Variants in GRIK2 observed in about 807,000 individuals in gnomAD.
GRIK2 encodes glutamate ionotropic receptor kainate type subunit 2, also known as glutamate receptor ionotropic, kainate 2.
Under a neutral mutation model 100.3 loss-of-function variants are expected in GRIK2, and 32 were observed. The ratio of observed to expected loss-of-function variants is 0.32; its 90% CI spans 0.24 to 0.43. The LOEUF is 0.43. Among genes scored for constraint, GRIK2 ranks in the 20% least tolerant of loss-of-function variants. GRIK2 has a pLI of 1.00. For missense variants in GRIK2, 843 were observed against 1,114.9 expected (o/e 0.76, Z 3.47); for synonymous variants, 417 against 389.4 (o/e 1.07, Z -0.83).
At chr6:101,400,021 A>G (rs576863263) in intron 2 of GRIK2, among the ~76,000 whole-genome samples, 1 of 152,332 alleles carries the variant, frequency 6.6e-6, no homozygotes, top group African/African-American at 2.4e-5. Flanking sequence ...GCTGCTACTT[A>G]GCTGGAACGA....
intron 7 of GRIK2, among the ~76,000 whole-genome samples, chr6:101,745,693 GTTCTT>G (rs1482361368): frequency 3.9e-5 from 6 of 151,994 alleles, no homozygotes; most frequent in African/African-American, 1.4e-4. Flanking sequence ...TGTTGTCAGT[GTTCTT>G]TTAACACCTT....
At chr6:101,764,324 G>C (rs1355179160) in intron 7 of GRIK2, among the ~76,000 whole-genome samples, 2 of 151,988 alleles carry the variant, frequency 1.3e-5, no homozygotes, top group Non-Finnish European at 2.9e-5. Context: ...ATCATCTTCC[G>C]TGACATCTTC....
chr6:101,696,996 A>T (rs2128349953), intron 7 of GRIK2, among the ~76,000 whole-genome samples: 1 of 152,108 alleles, frequency 6.6e-6, no homozygotes, highest in East Asian at 1.9e-4. Context: ...AAACTCATAC[A>T]TAGAGGTCAC....
At chr6:101,873,127 G>C (rs1032448944) in intron 11 of GRIK2, among the ~76,000 whole-genome samples, 10 of 151,910 alleles carry the variant, frequency 6.6e-5, no homozygotes, top group East Asian at 1.9e-4. Flanking sequence ...TTAAGTTCTA[G>C]GGTACATGTG....
chr6:101,576,086 T>C (rs1435626932), intron 2 of GRIK2, among the ~76,000 whole-genome samples: 1 of 152,070 alleles, frequency 6.6e-6, no homozygotes, highest in Non-Finnish European at 1.5e-5. Context: ...TGATATATGA[T>C]ATTATGATAG....
At chr6:102,061,671 TA>T (rs1174776859) in intron 16 of GRIK2, among the ~76,000 whole-genome samples, 1 of 150,468 alleles carries the variant, frequency 6.6e-6, no homozygotes, top group Non-Finnish European at 1.5e-5. Flanking sequence ...TTCTTCTTTT[TA>T]AATAAATAAA....
At chr6:101,556,470 G>T (rs182938132) in intron 2 of GRIK2, among the ~76,000 whole-genome samples, 3 of 149,292 alleles carry the variant, frequency 2.0e-5, no homozygotes, top group Admixed American at 1.3e-4. Context: ...GAGATATATT[G>T]GTAATTTTTA....
intron 4 of GRIK2, among the ~76,000 whole-genome samples, chr6:101,637,164 C>T (rs2128322833): frequency 6.6e-6 from 1 of 152,050 alleles, no homozygotes; most frequent in East Asian, 1.9e-4. Flanking sequence ...GTCTTGTTTT[C>T]TCATTGTTTA....
chr6:101,432,569 G>T (rs1379088827), intron 2 of GRIK2, among the ~76,000 whole-genome samples: 1 of 152,164 alleles, frequency 6.6e-6, no homozygotes, highest in Non-Finnish European at 1.5e-5. Context: ...TCTACAGGAG[G>T]AGATTGATAC....
chr6:101,525,038 T>G (rs2128282744), intron 2 of GRIK2, among the ~76,000 whole-genome samples: 1 of 152,190 alleles, frequency 6.6e-6, no homozygotes, highest in Non-Finnish European at 1.5e-5. Context: ...GAGCCCCCAC[T>G]TGCGTGTTCT....
chr6:101,942,730 C>A (rs57280005), intron 14 of GRIK2, among the ~76,000 whole-genome samples: 35,850 of 152,016 alleles, frequency 0.24, 5,472 homozygotes, highest in Non-Finnish European at 0.33. Flanking sequence ...TGTGGCCTGG[C>A]TTCTACTAAC....
intron 7 of GRIK2, among the ~76,000 whole-genome samples, chr6:101,797,560 A>C (rs1780386488): frequency 6.7e-6 from 1 of 149,286 alleles, no homozygotes; most frequent in African/African-American, 2.4e-5. Context: ...TATTCTATTT[A>C]ATTTATAAAT....
At chr6:101,633,220 T>C (rs1390931175) in intron 4 of GRIK2, among the ~76,000 whole-genome samples, 3 of 152,134 alleles carry the variant, frequency 2.0e-5, no homozygotes, top group African/African-American at 7.2e-5. Flanking sequence ...GTGAGCCTGC[T>C]TTCAAACCAC....
At chr6:101,436,105 G>C (rs1769698106) in intron 2 of GRIK2, among the ~76,000 whole-genome samples, 1 of 151,996 alleles carries the variant, frequency 6.6e-6, no homozygotes, top group Non-Finnish European at 1.5e-5. Context: ...ACAAGATTTG[G>C]TTAATAAACT....
chr6:101,617,075 C>T (rs1779925103), intron 2 of GRIK2, among the ~76,000 whole-genome samples: 1 of 151,774 alleles, frequency 6.6e-6, no homozygotes, highest in South Asian at 2.1e-4. Context: ...ATTGAAGCTA[C>T]ATTTAGTAAT....
intron 14 of GRIK2, among the ~76,000 whole-genome samples, chr6:101,995,412 C>CT (rs962461390): frequency 8.6e-5 from 13 of 151,452 alleles, no homozygotes; most frequent in African/African-American, 2.7e-4. Context: ...TAAAACATGC[C>CT]TTTTTTTTGA....
chr6:101,986,424 G>A (rs1286224561), intron 14 of GRIK2, among the ~76,000 whole-genome samples: 2 of 151,792 alleles, frequency 1.3e-5, no homozygotes, highest in African/African-American at 4.8e-5. Context: ...TACTTTACCT[G>A]AGCTAGCCAA....
intron 14 of GRIK2, among the ~76,000 whole-genome samples, chr6:101,985,890 C>A (rs11756377): frequency 0.074 from 11,168 of 150,948 alleles, 572 homozygotes; most frequent in Middle Eastern, 0.19. Flanking sequence ...TAATATTTTC[C>A]CCTCATTACA....
chr6:101,457,509 T>A (rs1582494072), intron 2 of GRIK2, among the ~76,000 whole-genome samples: 2 of 152,274 alleles, frequency 1.3e-5, no homozygotes, highest in East Asian at 1.9e-4. Flanking sequence ...ATCCACATTT[T>A]GTTCTGATGG....
Sources: gnomAD v4.1 joint callset for allele counts (sites outside exome capture counted in the v4.1 genomes callset) on GRCh38, gnomAD v4.1.1 for gene constraint, MANE v1.5 for transcripts, NCBI Gene and HGNC (gene_info 2026-07-23, HGNC 2026-07-21) for gene names.